PKHD1: variants seen among roughly 807,000 people sequenced by gnomAD.
The protein encoded by PKHD1 is fibrocystin.
PKHD1 carries 291 observed loss-of-function variants against 412.0 expected under a neutral mutation model. The observed-to-expected ratio is 0.71, with a 90% CI of 0.64 to 0.78. PKHD1 has a LOEUF of 0.78. PKHD1 is among the 30% of genes least tolerant of loss of function. The probability of loss-of-function intolerance (pLI) is 0.00; values close to 1 mark genes in which losing one functional copy is unlikely to be tolerated. For synonymous variants in PKHD1, 1,777 were observed against 1,821.5 expected, an observed-to-expected ratio of 0.98 and a Z score of 0.62; for missense variants, 4,825 against 4,950.7, an observed-to-expected ratio of 0.97 and a Z score of 0.76.
At chr6:51,756,871 C>G (rs1358680530) in intron 55 of PKHD1, among the ~76,000 whole-genome samples, 1 of 152,080 alleles carries the variant, frequency 6.6e-6, no homozygotes, top group Non-Finnish European at 1.5e-5. Context: ...CACCAGGGAC[C>G]AGTTTTGTGA....
At chr6:51,749,440 T>C (rs1785728022) in intron 57 of PKHD1, among the ~76,000 whole-genome samples, 1 of 152,160 alleles carries the variant, frequency 6.6e-6, no homozygotes, top group Non-Finnish European at 1.5e-5. Flanking sequence ...ACCCAGTAAG[T>C]TGATTTAAAA....
At chr6:51,707,429 T>G (rs9474057) in intron 60 of PKHD1, among the ~76,000 whole-genome samples, 35,309 of 152,012 alleles carry the variant, frequency 0.23, 4,400 homozygotes, top group African/African-American at 0.3. Flanking sequence ...CTTCCACCTG[T>G]GCTCTGAAAC....
At chr6:51,627,227 C>A in intron 65 of PKHD1, 111 bp from the exon 66 acceptor site, 1 of 937,970 alleles carries the variant, frequency 1.1e-6, no homozygotes, top group Non-Finnish European at 1.7e-6. Flanking sequence ...CATACACATG[C>A]AACAGAAAGC....
At position 51,681,778 on chromosome 6, in the gene PKHD1, A is replaced by G. The variant is rs139288022; in HGVS notation, c.10157-21809T>C. Among the ~76,000 whole-genome samples, 234 of 152,182 alleles carry G rather than the reference A, an allele frequency of 1.5e-3. 1 individual carries two copies. Among genetic ancestry groups the G allele is most frequent in the African/African-American group, 5.2e-3 (214 of 41,540 alleles). ...TGGCTATTGTTATAAACAAAATTTTATTGGAACACAGCTATACGCATTTGT... is the reference window on the plus strand; with the variant it reads ...TGGCTATTGTTATAAACAAAATTTTGTTGGAACACAGCTATACGCATTTGT... On this transcript the variant is annotated intron_variant, in intron 60 of 66. Transcript: ENST00000371117.
Position 51,788,839 on chromosome 6 carries a change from A to T in PKHD1, c.8440+2397T>A, listed in dbSNP as rs890679756. On this transcript the variant is annotated intron_variant, in intron 53 of 66. Coordinates refer to ENST00000371117, the MANE Select transcript of PKHD1 (RefSeq NM_138694.4). ...AACATTTATTGAACACCTACTACATACCAAGCACTTCCTATGAGTTATGTT... is the reference window on the plus strand; with the variant it reads ...AACATTTATTGAACACCTACTACATTCCAAGCACTTCCTATGAGTTATGTT... 1.1e-4 allele frequency among the ~76,000 whole-genome samples: 17 copies of T among 152,178 alleles called. No individual in the cohort carries two copies. The East Asian group carries it at 3.3e-3, about 29-fold the overall frequency.
chr6:51,912,363 T>G lies in PKHD1; in HGVS notation c.6332+3A>C, dbSNP rs753187127. The G allele has an allele frequency of 1.3e-6, 2 of 1,589,254 alleles. No homozygotes were observed. The highest frequency in any genetic ancestry group is 1.7e-6 in the Non-Finnish European group (2 of 1,157,746). On this transcript the variant is annotated splice_donor_region_variant and intron_variant, in intron 38 of 66. Coordinates refer to ENST00000371117, the MANE Select transcript of PKHD1 (RefSeq NM_138694.4). Reference sequence around the variant, plus strand: ...TCAACTTAGCCAAGCTGACACTCAGTACCTCAAAGGTGACTTAAGATAGAG... The same window carrying G: ...TCAACTTAGCCAAGCTGACACTCAGGACCTCAAAGGTGACTTAAGATAGAG...
intron 35 of PKHD1, among the ~76,000 whole-genome samples, chr6:51,960,424 A>G (rs1791835586): frequency 6.6e-6 from 1 of 151,986 alleles, no homozygotes; most frequent in Admixed American, 6.6e-5. Context: ...TTTTACAGAT[A>G]TGTATTGAAT....
intron 48 of PKHD1, among the ~76,000 whole-genome samples, chr6:51,862,458 C>T (rs1562486408): frequency 6.6e-6 from 1 of 152,144 alleles, no homozygotes; most frequent in African/African-American, 2.4e-5. Context: ...ATTTTCTTGT[C>T]TCACAGGGTT....
chr6:51,772,567 G>C, intron 55 of PKHD1, 135 bp downstream of exon 55: 1 of 531,712 alleles, frequency 1.9e-6, no homozygotes, highest in East Asian at 2.9e-5. Flanking sequence ...CCCTATAATC[G>C]CTTATTTTTC....
At chr6:51,628,987 G>C (rs992946642) in intron 65 of PKHD1, among the ~76,000 whole-genome samples, 14 of 152,126 alleles carry the variant, frequency 9.2e-5, no homozygotes, top group Admixed American at 9.2e-4. Context: ...TCAATAAATG[G>C]TGCTGGGATA....
intron 60 of PKHD1, chr6:51,741,170 T>A (rs763137013): frequency 3.9e-6 from 2 of 518,938 alleles, no homozygotes; most frequent in South Asian, 2.8e-5. Flanking sequence ...AAATAGCATA[T>A]TACACCATCT....
intron 55 of PKHD1, among the ~76,000 whole-genome samples, chr6:51,758,014 A>AAGAGAG (rs10534219): frequency 0.038 from 4,787 of 125,968 alleles, 113 homozygotes; most frequent in African/African-American, 0.049. Context: ...ACCCTGCCAA[A>AAGAGAG]AGAGAGAGAG....
rs570367691 is a variant in PKHD1, at chr6:51,798,174, T to C, written c.8303-6801A>G. 1.2e-3 allele frequency among the ~76,000 whole-genome samples: 189 copies of C among 152,160 alleles called. 1 individual carries two copies. The highest frequency in any genetic ancestry group is 7.9e-3 in the South Asian group (38 of 4,822). On this transcript the variant is annotated intron_variant, in intron 52 of 66. Transcript: ENST00000371117. ...CAAGTGGATCACTTGAGGCTAGAAGTTCAAGACCAGCCTGGCCAACATGGC... is the reference window on the plus strand; with the variant it reads ...CAAGTGGATCACTTGAGGCTAGAAGCTCAAGACCAGCCTGGCCAACATGGC...
chr6:51,665,861 T>A (rs1324957609), intron 60 of PKHD1, among the ~76,000 whole-genome samples: 1 of 152,044 alleles, frequency 6.6e-6, no homozygotes, highest in Non-Finnish European at 1.5e-5. Context: ...CCTTCTTAAA[T>A]AAGATGGGAT....
chr6:52,084,412 C>T (rs1812457128), intron 2 of PKHD1, among the ~76,000 whole-genome samples: 1 of 152,120 alleles, frequency 6.6e-6, no homozygotes. Context: ...TAACCAAATT[C>T]GCAGAGAAAA....
At position 51,998,629 on chromosome 6, in the gene PKHD1, G is replaced by A. The variant is rs183650860; in HGVS notation, c.5751+11680C>T. On this transcript the variant is annotated intron_variant, in intron 35 of 66. Coordinates refer to ENST00000371117, the MANE Select transcript of PKHD1 (RefSeq NM_138694.4). ...TTCTTTGTAAAACCTATAGAATCAAGGCATGCCTTTCCTGTTGTTTATTTG... is the reference window on the plus strand; with the variant it reads ...TTCTTTGTAAAACCTATAGAATCAAAGCATGCCTTTCCTGTTGTTTATTTG... 2.0e-5 allele frequency among the ~76,000 whole-genome samples: 3 copies of A among 151,878 alleles called. No homozygotes were observed. The East Asian group carries it at 5.8e-4, about 29-fold the overall frequency.
At chr6:51,885,999 A>C (rs769378331) in intron 44 of PKHD1, 27 bp from the exon 45 acceptor site, 1 of 1,314,140 alleles carries the variant, frequency 7.6e-7, no homozygotes, top group Non-Finnish European at 1.1e-6. Flanking sequence ...AATGAAATTA[A>C]GCCAATTTTT....
intron 51 of PKHD1, among the ~76,000 whole-genome samples, chr6:51,832,865 G>C (rs564510921): frequency 6.6e-6 from 1 of 152,188 alleles, no homozygotes; most frequent in South Asian, 2.1e-4. Flanking sequence ...ATAGATTGTG[G>C]TCAAGCAAAA....
rs571966529 is a variant in PKHD1, at chr6:52,024,944, G to T, written c.4866C>A (p.Leu1622=). ...TCLTVNIGAE[L]IRCIVPTGNG... is the part of the protein sequence containing the mutation. Reference sequence around the variant, plus strand: ...TCCCTGTGGGAACAATGCACCGGATGAGCTCAGCACCGATGTTCACCGTCA... The same window carrying T: ...TCCCTGTGGGAACAATGCACCGGATTAGCTCAGCACCGATGTTCACCGTCA... The change falls in exon 32 of 67, where the codon CTC becomes CTA. Residue 1622 remains leucine, a synonymous_variant. Transcript: ENST00000371117. 2.5e-5 allele frequency: 40 copies of T among 1,614,194 alleles called. No homozygotes were observed. The African/African-American group carries it at 4.8e-4, about 19-fold the overall frequency.
Sources: allele counts gnomAD v4.1 joint callset (sites outside exome capture counted in the v4.1 genomes callset), GRCh38; gene constraint gnomAD v4.1.1; transcripts MANE v1.5; gene names NCBI Gene and HGNC (gene_info 2026-07-23, HGNC 2026-07-21).